Variants in NT5DC1 observed in about 807,000 individuals in gnomAD.
The protein encoded by NT5DC1 is 5'-nucleotidase domain containing 1.
Under a neutral mutation model 59.4 loss-of-function variants are expected in NT5DC1, and 42 were observed. That is an observed-to-expected ratio of 0.71 (90% CI 0.55 to 0.92). The LOEUF (loss-of-function observed/expected upper bound fraction) is 0.92, where lower values mean the gene tolerates loss of function less well. Ranked by LOEUF, NT5DC1 falls within the 40% of genes least tolerant of loss-of-function variation. The pLI is 0.00. For missense variants in NT5DC1, 501 were observed against 537.1 expected (o/e 0.93, Z 0.66); for synonymous variants, 172 against 188.1 (o/e 0.91, Z 0.70).
chr6:116,163,263 G>A (rs1238845876), intron 6 of NT5DC1, among the ~76,000 whole-genome samples: 1 of 149,260 alleles, frequency 6.7e-6, no homozygotes, highest in African/African-American at 2.5e-5. Context: ...GTTTGTTTTG[G>A]TTGGTAGATC....
chr6:116,214,482 AG>A (rs1781651994), intron 6 of NT5DC1, among the ~76,000 whole-genome samples: 1 of 152,092 alleles, frequency 6.6e-6, no homozygotes, highest in Admixed American at 6.6e-5. Context: ...GCTTTCAAAA[AG>A]CTGTCTGGTT....
rs776771929 is a variant in NT5DC1 at position 116,110,858 on chromosome 6, A to G, written c.266A>G (p.His89Arg). 1.9e-6 allele frequency: 3 copies of G among 1,613,232 alleles called. No homozygotes were observed. Among genetic ancestry groups the G allele is most frequent in the South Asian group, 2.2e-5 (2 of 91,068 alleles). Residue 89 changes from histidine (H) to arginine (R), a missense_variant, in exon 4 of 12, where the codon CAT (histidine) becomes CGT (arginine). By Grantham distance (29) the His-to-Arg change is conservative. Transcript: ENST00000319550. ...ANNGTVLRAS[H>R]GTKMMTPEVL... ...TCCTCTCTCAAAATCAGGGCAAGCC[A>G]TGGCACCAAGATGATGACTCCAGAG...
chr6:116,103,344 G>A (rs1266552368), intron 1 of NT5DC1, among the ~76,000 whole-genome samples: 1 of 152,070 alleles, frequency 6.6e-6, no homozygotes, highest in Non-Finnish European at 1.5e-5. Context: ...ACTTAACAGT[G>A]ATTTAGTCAC....
chr6:116,141,353 C>T (rs1271054710), intron 6 of NT5DC1, among the ~76,000 whole-genome samples: 1 of 151,608 alleles, frequency 6.6e-6, no homozygotes, highest in African/African-American at 2.4e-5. Context: ...CAGATACTTC[C>T]AGTTTGTGAC....
At chr6:116,165,193 T>C (rs1414664042) in intron 6 of NT5DC1, among the ~76,000 whole-genome samples, 1 of 152,186 alleles carries the variant, frequency 6.6e-6, no homozygotes, top group Non-Finnish European at 1.5e-5. Context: ...CAGTTTCTGC[T>C]AAGAAATCTG....
At chr6:116,180,058 C>A (rs1213534049) in intron 6 of NT5DC1, among the ~76,000 whole-genome samples, 1 of 151,976 alleles carries the variant, frequency 6.6e-6, no homozygotes, top group Non-Finnish European at 1.5e-5. Context: ...TTCTCTATAA[C>A]TGTGTTGAAT....
chr6:116,202,528 A>G (rs1402837850), intron 6 of NT5DC1, among the ~76,000 whole-genome samples: 1 of 151,992 alleles, frequency 6.6e-6, no homozygotes, highest in Non-Finnish European at 1.5e-5. Flanking sequence ...TATTTCTTTA[A>G]TTCTAAAAAC....
intron 5 of NT5DC1, among the ~76,000 whole-genome samples, chr6:116,116,368 GTGCAGTGGCTT>G (rs1778963019): frequency 6.6e-6 from 1 of 152,166 alleles, no homozygotes; most frequent in African/African-American, 2.4e-5. Flanking sequence ...TTGGGGCCAG[GTGCAGTGGCTT>G]ACGCCTGTAA....
At chr6:116,153,961 T>A (rs1780116725) in intron 6 of NT5DC1, among the ~76,000 whole-genome samples, 1 of 152,100 alleles carries the variant, frequency 6.6e-6, no homozygotes, top group South Asian at 2.1e-4. Context: ...CTGTATGTAT[T>A]GCATTTGGAA....
intron 6 of NT5DC1, among the ~76,000 whole-genome samples, chr6:116,163,141 A>ATATATATATATATAT (rs1554197064): frequency 1.1e-5 from 1 of 88,408 alleles, no homozygotes; most frequent in African/African-American, 5.8e-5. Context: ...AAAAAAAAAA[A>ATATATATATATATAT]ATATATATAT....
At chr6:116,180,395 G>A (rs1780849657) in intron 6 of NT5DC1, among the ~76,000 whole-genome samples, 1 of 151,950 alleles carries the variant, frequency 6.6e-6, no homozygotes, top group Non-Finnish European at 1.5e-5. Context: ...AATGAAAATG[G>A]AATGATAGAA....
rs533121789 is a variant in NT5DC1 at position 116,100,969 on chromosome 6, C to G, written c.39C>G (p.Val13=). The G allele has an allele frequency of 3.1e-6, 5 of 1,604,948 alleles. No individual in the cohort carries two copies. The South Asian group carries it at 5.5e-5, about 18-fold the overall frequency. The stretch of plus-strand genomic sequence containing the variant: ...TCTCCCTGGCCGCCTGCGACGTGGT[C>G]GGATTCGACCTGGACCACACTCTGT... ...QHFSLAACDV[V]GFDLDHTLCR... is the part of the protein sequence containing the mutation. Residue 13 remains valine (V), a synonymous_variant, in exon 1 of 12, where the codon GTC becomes GTG. Transcript: ENST00000319550.
At chr6:116,102,153 G>A (rs1778671676) in intron 1 of NT5DC1, among the ~76,000 whole-genome samples, 1 of 152,158 alleles carries the variant, frequency 6.6e-6, no homozygotes, top group South Asian at 2.1e-4. Context: ...AAACCTCACA[G>A]TTTATGGGTA....
At position 116,100,974 on chromosome 6, in the gene NT5DC1, T is replaced by C. The variant is rs1452531737; in HGVS notation, c.44T>C (p.Phe15Ser). Residue 15 changes from phenylalanine to serine, a missense_variant, in exon 1 of 12, where the codon TTC becomes TCC. By Grantham distance (155) the Phe-to-Ser change is radical. Coordinates refer to ENST00000319550, the MANE Select transcript of NT5DC1 (RefSeq NM_152729.3). The stretch of plus-strand genomic sequence containing the variant: ...CTGGCCGCCTGCGACGTGGTCGGAT[T>C]CGACCTGGACCACACTCTGTGTCGC... ...FSLAACDVVG[F>S]DLDHTLCRYN... 6.2e-7 allele frequency: 1 copy of C among 1,605,434 alleles called. No homozygotes were observed. Among genetic ancestry groups the C allele is most frequent in the East Asian group, 2.3e-5 (1 of 43,844 alleles).
chr6:116,236,835 C>G, intron 8 of NT5DC1, 131 bp from the exon 9 acceptor site: 1 of 628,826 alleles, frequency 1.6e-6, no homozygotes, highest in East Asian at 2.7e-5. Context: ...GTAGGTACCA[C>G]TGAATGTCAG....
Position 116,247,618 on chromosome 6 carries a change from T to G in NT5DC1, c.*3594T>G, listed in dbSNP as rs533344852. 5.1e-4 allele frequency: 77 copies of G among 152,348 alleles called. No individual in the cohort carries two copies. The highest frequency in any genetic ancestry group is 3.4e-3 in the Middle Eastern group (1 of 294). The allele number at this position is 152,348 out of a possible 1,614,324, so 9.4% of individuals were successfully genotyped here. A position where few individuals can be genotyped will look rare whatever the true frequency, so the allele number is the denominator to read the frequency against. On this transcript the variant is annotated 3_prime_UTR_variant, in exon 12 of 12. Transcript: ENST00000319550. ...TACATAGACTGCTTGCCAATCAGTT[T>G]GTTGTACCATGTACCTGTTCACAGA...
intron 6 of NT5DC1, among the ~76,000 whole-genome samples, chr6:116,218,606 G>C (rs1781733478): frequency 6.6e-6 from 1 of 151,846 alleles, no homozygotes; most frequent in South Asian, 2.1e-4. Flanking sequence ...TTTCTTACTA[G>C]TACTTCCTCT....
chr6:116,231,930 T>C (rs1328571379), intron 8 of NT5DC1, among the ~76,000 whole-genome samples: 1 of 152,208 alleles, frequency 6.6e-6, no homozygotes, highest in Non-Finnish European at 1.5e-5. Flanking sequence ...ATTATATTAG[T>C]TTGCTAGGGC....
At chr6:116,108,134 C>T (rs1778802858) in intron 2 of NT5DC1, among the ~76,000 whole-genome samples, 1 of 152,120 alleles carries the variant, frequency 6.6e-6, no homozygotes, top group African/African-American at 2.4e-5. Context: ...ATTTTACAAA[C>T]TAAATATGCT....
Sources: gnomAD v4.1 joint callset for allele counts (sites outside exome capture counted in the v4.1 genomes callset) on GRCh38, gnomAD v4.1.1 for gene constraint, MANE v1.5 for transcripts, NCBI Gene and HGNC (gene_info 2026-07-23, HGNC 2026-07-21) for gene names.